Variants in DPYSL3 observed in about 807,000 individuals in gnomAD.
DPYSL3 encodes dihydropyrimidinase-related protein 3.
DPYSL3 carries 16 observed loss-of-function variants against 66.1 expected under a neutral mutation model. The ratio of observed to expected loss-of-function variants is 0.24; its 90% confidence interval spans 0.16 to 0.37. The LOEUF (loss-of-function observed/expected upper bound fraction) is 0.37, where lower values mean the gene tolerates loss of function less well. Among genes scored for constraint, DPYSL3 ranks in the 10% least tolerant of loss-of-function variants. The pLI, the probability that DPYSL3 is intolerant of heterozygous loss-of-function variation, is 1.00. For synonymous variants in DPYSL3, 338 were observed against 345.1 expected (o/e 0.98, Z 0.23); for missense variants, 738 against 916.2 (o/e 0.81, Z 2.51).
chr5:147,405,789 C>A, intron 7 of DPYSL3, 59 bp from the exon 8 acceptor site: 1 of 1,565,808 alleles, frequency 6.4e-7, no homozygotes, highest in Non-Finnish European at 8.6e-7. Flanking sequence ...CTGGTGGCTC[C>A]CACCTCCACG....
intron 2 of DPYSL3, among the ~76,000 whole-genome samples, chr5:147,424,444 T>G (rs1203299299): frequency 2.0e-5 from 3 of 152,224 alleles, no homozygotes; most frequent in Non-Finnish European, 4.4e-5. Context: ...TTGCAAATCT[T>G]GCATGAAATC....
At chr5:147,455,383 T>C (rs1752829175) in intron 1 of DPYSL3, among the ~76,000 whole-genome samples, 1 of 152,182 alleles carries the variant, frequency 6.6e-6, no homozygotes, top group Admixed American at 6.5e-5. Flanking sequence ...GTCTCCACTT[T>C]ATTTCTGTGA....
At chr5:147,398,197 C>T (rs920364144) in intron 11 of DPYSL3, among the ~76,000 whole-genome samples, 3 of 152,068 alleles carry the variant, frequency 2.0e-5, no homozygotes, top group Non-Finnish European at 4.4e-5. Flanking sequence ...CCTTTAGGTC[C>T]CTCTAGCTCC....
rs532527763 is a variant in DPYSL3, at chr5:147,437,123, C to T, written c.382-12160G>A. ...GGTCAAAGTTCTGTGATCCCCTTCG[C>T]CTTTCCAAGAGGCTGTGCCGTTAAT... On this transcript the variant is annotated intron_variant, in intron 1 of 13. Coordinates refer to ENST00000343218, the MANE Select transcript of DPYSL3 (RefSeq NM_001197294.2). Among the ~76,000 whole-genome samples, 5 of 152,336 alleles carry T rather than the reference C, an allele frequency of 3.3e-5. No individual in the cohort carries two copies. The South Asian group carries it at 1.0e-3, about 32-fold the overall frequency.
intron 1 of DPYSL3, among the ~76,000 whole-genome samples, chr5:147,449,071 T>C (rs1283555461): frequency 1.3e-5 from 2 of 152,178 alleles, no homozygotes; most frequent in Non-Finnish European, 2.9e-5. Flanking sequence ...GTTCTCCATC[T>C]CCTAATATTT....
intron 1 of DPYSL3, among the ~76,000 whole-genome samples, chr5:147,464,357 T>G (rs899720727): frequency 8.5e-5 from 13 of 152,180 alleles, no homozygotes; most frequent in African/African-American, 3.1e-4. Context: ...ACTTCTGCGG[T>G]TCTGGGTTAT....
chr5:147,444,183 TG>T (rs1752588505), intron 1 of DPYSL3, among the ~76,000 whole-genome samples: 1 of 152,112 alleles, frequency 6.6e-6, no homozygotes, highest in Non-Finnish European at 1.5e-5. Context: ...GGGTTAAGAA[TG>T]GGGGCTCTAA....
intron 1 of DPYSL3, among the ~76,000 whole-genome samples, chr5:147,495,635 A>G (rs563563569): frequency 1.3e-5 from 2 of 152,252 alleles, no homozygotes; most frequent in East Asian, 3.9e-4. Context: ...TCATGAGTGA[A>G]CTCCCATTCA....
intron 2 of DPYSL3, 147 bp downstream of exon 2, chr5:147,424,728 T>C (rs768457863): frequency 5.2e-6 from 3 of 578,820 alleles, no homozygotes; most frequent in Non-Finnish European, 9.1e-6. Context: ...CAATACTTTC[T>C]GCCCAAATTT....
At chr5:147,405,778 A>C in intron 7 of DPYSL3, 48 bp from the exon 8 acceptor site, 1 of 1,578,606 alleles carries the variant, frequency 6.3e-7, no homozygotes, top group Non-Finnish European at 8.6e-7. Context: ...AACCTCTCAA[A>C]CTGGTGGCTC....
intron 1 of DPYSL3, among the ~76,000 whole-genome samples, chr5:147,455,974 T>G (rs1225885593): frequency 6.6e-6 from 1 of 152,030 alleles, no homozygotes; most frequent in East Asian, 1.9e-4. Flanking sequence ...TTTTTTGAGG[T>G]CAGGTTTGCA....
At chr5:147,434,785 G>A (rs1306547264) in intron 1 of DPYSL3, among the ~76,000 whole-genome samples, 3 of 152,180 alleles carry the variant, frequency 2.0e-5, no homozygotes, top group African/African-American at 7.2e-5. Flanking sequence ...AGTAAGCGGA[G>A]CACTGAAGTG....
chr5:147,397,784 C>T lies in DPYSL3; in HGVS notation c.1685G>A (p.Cys562Tyr). The T allele has an allele frequency of 6.2e-7, 1 of 1,614,130 alleles. No individual in the cohort carries two copies. Among genetic ancestry groups the T allele is most frequent in the Non-Finnish European group, 8.5e-7 (1 of 1,180,026 alleles). The stretch of plus-strand genomic sequence containing the variant: ...ATCTTCCAGCATGATCTTGCCCTGG[C>T]AGATGACAACCAGAGGAGCCCCGCG... The part of the protein sequence containing the change: ...ELRGAPLVVI[C>Y]QGKIMLEDGN... The change falls in exon 12 of 14, where the codon TGC (cysteine) becomes TAC (tyrosine). Residue 562 changes from cysteine to tyrosine, a missense_variant. Coordinates refer to ENST00000343218, the MANE Select transcript of DPYSL3 (RefSeq NM_001197294.2).
chr5:147,418,337 AAACTG>A (rs1752013070), intron 3 of DPYSL3, 105 bp downstream of exon 3: 1 of 1,179,830 alleles, frequency 8.5e-7, no homozygotes, highest in East Asian at 2.5e-5. Flanking sequence ...ACACATCTAT[AAACTG>A]AACTGGGACA....
At chr5:147,507,227 ATACC>A (rs1753694955) in intron 1 of DPYSL3, among the ~76,000 whole-genome samples, 1 of 152,224 alleles carries the variant, frequency 6.6e-6, no homozygotes, top group Admixed American at 6.5e-5. Context: ...AAGAGTGCAC[ATACC>A]TAAAAATCAT....
intron 1 of DPYSL3, among the ~76,000 whole-genome samples, chr5:147,459,509 C>G (rs559195914): frequency 6.6e-6 from 1 of 151,694 alleles, no homozygotes; most frequent in Non-Finnish European, 1.5e-5. Flanking sequence ...GAATGAAAAC[C>G]AAAGAGATGA....
chr5:147,493,112 T>A (rs1753440877), intron 1 of DPYSL3, among the ~76,000 whole-genome samples: 1 of 152,168 alleles, frequency 6.6e-6, no homozygotes. Context: ...CATTACATAA[T>A]GATAAAGGGG....
intron 8 of DPYSL3, among the ~76,000 whole-genome samples, chr5:147,405,400 C>T (rs374683428): frequency 2.0e-5 from 3 of 152,336 alleles, no homozygotes; most frequent in Admixed American, 6.5e-5. Flanking sequence ...TCTTGGACAA[C>T]TCATCTAACC....
chr5:147,394,351 A>T (rs1026500409), intron 13 of DPYSL3, among the ~76,000 whole-genome samples: 2 of 152,200 alleles, frequency 1.3e-5, no homozygotes, highest in Admixed American at 6.5e-5. Flanking sequence ...TCTAGATTTC[A>T]TCTGACCCAG....
Sources: gnomAD v4.1 joint callset for allele counts (sites outside exome capture counted in the v4.1 genomes callset) on GRCh38, gnomAD v4.1.1 for gene constraint, MANE v1.5 for transcripts, NCBI Gene and HGNC (gene_info 2026-07-23, HGNC 2026-07-21) for gene names.